The following UBN2 variants were observed in gnomAD, a reference collection of about 807,000 sequenced individuals.
UBN2 encodes the protein ubinuclein 2, also known as ubinuclein-2.
UBN2 carries 35 observed loss-of-function variants against 120.2 expected under a neutral mutation model. The observed-to-expected ratio is 0.29, with a 90% CI of 0.22 to 0.39. The LOEUF is 0.39. Among genes scored for constraint, UBN2 ranks in the 10% least tolerant of loss-of-function variants. The pLI, the probability that UBN2 is intolerant of heterozygous loss-of-function variation, is 1.00. For synonymous variants in UBN2, 661 were observed against 648.7 expected (o/e 1.02, Z -0.29); for missense variants, 1,693 against 1,663.2 (o/e 1.02, Z -0.31).
Position 139,279,044 on chromosome 7 carries a change from G to C in UBN2, c.2025-274G>C, listed in dbSNP as rs1041034440. ...GCGGTTCCTTGAAGCTCTTTTTTTG[G>C]GGGGGCTATTTTATGGTTTATTTAC... On this transcript the variant is annotated intron_variant, in intron 12 of 17. Transcript: ENST00000473989. 3.8e-4 allele frequency among the ~76,000 whole-genome samples: 58 copies of C among 151,624 alleles called. 2 individuals carry two copies. Among genetic ancestry groups the C allele is most frequent in the South Asian group, 1.5e-3 (7 of 4,770 alleles).
intron 15 of UBN2, among the ~76,000 whole-genome samples, chr7:139,285,272 C>T (rs371584111): frequency 2.6e-5 from 4 of 151,984 alleles, no homozygotes; most frequent in East Asian, 3.9e-4. Flanking sequence ...TTTGGGAGGC[C>T]AAGGCAGGAG....
intron 12 of UBN2, among the ~76,000 whole-genome samples, chr7:139,278,236 C>G (rs1797503200): frequency 7.2e-6 from 1 of 139,032 alleles, no homozygotes; most frequent in Non-Finnish European, 1.5e-5. Context: ...GGCTGGAGTT[C>G]AGTGGCACGA....
At chr7:139,291,689 CAT>C (rs1797962725) in intron 15 of UBN2, among the ~76,000 whole-genome samples, 1 of 151,550 alleles carries the variant, frequency 6.6e-6, no homozygotes, top group Admixed American at 6.6e-5. Context: ...TCTACAAAAA[CAT>C]ATTGAAAAGT....
chr7:139,273,599 A>C (rs532617728), intron 10 of UBN2, among the ~76,000 whole-genome samples, 189 bp downstream of exon 10: 10 of 152,324 alleles, frequency 6.6e-5, no homozygotes, highest in Middle Eastern at 3.4e-3. Flanking sequence ...ATTTTCATAT[A>C]CACTGTAATA....
intron 6 of UBN2, among the ~76,000 whole-genome samples, chr7:139,265,961 G>C (rs1421132343): frequency 6.6e-6 from 1 of 152,046 alleles, no homozygotes; most frequent in African/African-American, 2.4e-5. Flanking sequence ...TATAATAGCT[G>C]CAGGAAACTT....
chr7:139,272,741 G>A (rs1797321326), intron 9 of UBN2, among the ~76,000 whole-genome samples: 2 of 152,084 alleles, frequency 1.3e-5, no homozygotes, highest in African/African-American at 4.8e-5. Context: ...TGACCAGGCT[G>A]GTCTCAAACT....
downstream of UBN2, among the ~76,000 whole-genome samples, chr7:139,311,115 G>A (rs547899735): frequency 7.2e-5 from 11 of 152,260 alleles, no homozygotes; most frequent in Admixed American, 2.0e-4. Flanking sequence ...GAGAAAATCA[G>A]TCTTTTATTT....
intron 12 of UBN2, chr7:139,276,383 C>G (rs1044399536): frequency 4.1e-6 from 2 of 490,248 alleles, no homozygotes; most frequent in Non-Finnish European, 7.3e-6. Context: ...AGTAGGGAAG[C>G]ATGAAGGCTC....
At chr7:139,308,900 T>C (rs534771303), downstream of UBN2, among the ~76,000 whole-genome samples, 273 of 152,082 alleles carry the variant, frequency 1.8e-3, 1 homozygote, top group African/African-American at 6.5e-3. Context: ...TGCAACCCCG[T>C]CTCTGCTGAA....
At chr7:139,251,789 T>G (rs936703244) in intron 2 of UBN2, among the ~76,000 whole-genome samples, 167 bp from the exon 3 acceptor site, 1 of 152,214 alleles carries the variant, frequency 6.6e-6, no homozygotes, top group Non-Finnish European at 1.5e-5. Flanking sequence ...TTATACTCTT[T>G]GGAACAAGTC....
chr7:139,288,500 A>G (rs964936863), intron 15 of UBN2, among the ~76,000 whole-genome samples: 1 of 152,128 alleles, frequency 6.6e-6, no homozygotes, highest in Non-Finnish European at 1.5e-5. Context: ...GTAGGTGATG[A>G]GATCAGAGAG....
At chr7:139,326,987 C>T in the UBN2 span, among the ~76,000 whole-genome samples, 3 of 152,154 alleles carry the variant, frequency 2.0e-5, no homozygotes, top group African/African-American at 4.8e-5. Flanking sequence ...AGAGGCACCC[C>T]GCATCCTTTT....
chr7:139,314,500 T>G, the UBN2 span, among the ~76,000 whole-genome samples: 1 of 152,086 alleles, frequency 6.6e-6, no homozygotes, highest in Admixed American at 6.6e-5. Flanking sequence ...TTTATTTATT[T>G]TTTTAGACGG....
chr7:139,278,415 C>A (rs1179887770), intron 12 of UBN2, among the ~76,000 whole-genome samples: 3 of 152,078 alleles, frequency 2.0e-5, no homozygotes, highest in Non-Finnish European at 4.4e-5. Flanking sequence ...CTCCTGGCCT[C>A]ACGTGATCCG....
At position 139,302,929 on chromosome 7, in the gene UBN2, T is replaced by C. The variant is rs906211637; in HGVS notation, c.*5093T>C. ...CAGCATTGGAATAACAAGAGTACCT[T>C]GCAAGTCACATTGGTAAGGTGCGCT... is the stretch of plus-strand genomic sequence containing the variant. On this transcript the variant is annotated 3_prime_UTR_variant, in exon 18 of 18. Coordinates refer to ENST00000473989, the MANE Select transcript of UBN2 (RefSeq NM_173569.4). 5.3e-5 allele frequency: 8 copies of C among 152,282 alleles called. No individual in the cohort carries two copies. In the East Asian group the frequency reaches 1.5e-3, roughly 29 times the overall value. 9.4% of individuals were successfully genotyped at this position (152,282 alleles called of 1,614,324 possible).
intron 15 of UBN2, among the ~76,000 whole-genome samples, chr7:139,286,880 A>G (rs1267883925): frequency 6.6e-6 from 1 of 152,198 alleles, no homozygotes; most frequent in Admixed American, 6.5e-5. Flanking sequence ...TGTATATTCA[A>G]ATCATCATTC....
chr7:139,242,978 G>A (rs930922156), intron 2 of UBN2, among the ~76,000 whole-genome samples: 1 of 152,190 alleles, frequency 6.6e-6, no homozygotes, highest in South Asian at 2.1e-4. Flanking sequence ...TAGGACTGGT[G>A]TGTTTTTTAG....
intron 2 of UBN2, among the ~76,000 whole-genome samples, chr7:139,251,742 G>A (rs1796629728): frequency 6.6e-6 from 1 of 152,158 alleles, no homozygotes; most frequent in African/African-American, 2.4e-5. Context: ...GTGTTGGCCA[G>A]GTTTTCTACT....
intron 17 of UBN2, among the ~76,000 whole-genome samples, chr7:139,294,227 G>C (rs1256117871): frequency 1.3e-5 from 2 of 152,214 alleles, no homozygotes; most frequent in African/African-American, 4.8e-5. Context: ...CGACTAATCA[G>C]AGGATTCATA....
Sources: allele counts gnomAD v4.1 joint callset (sites outside exome capture counted in the v4.1 genomes callset), GRCh38; gene constraint gnomAD v4.1.1; transcripts MANE v1.5; gene names NCBI Gene and HGNC (gene_info 2026-07-23, HGNC 2026-07-21).